The following SMG1 variants were observed in gnomAD, a reference collection of about 807,000 sequenced individuals.
SMG1 encodes the protein serine/threonine-protein kinase SMG1.
In SMG1, 22 loss-of-function variants were observed where a neutral mutation model predicts 419.9. The ratio of observed to expected loss-of-function variants is 0.05; its 90% CI spans 0.04 to 0.07. SMG1 has a LOEUF of 0.07. Ranked by LOEUF, SMG1 falls within the 10% of genes least tolerant of loss-of-function variation. The pLI is 1.00. For synonymous variants in SMG1, 1,538 were observed against 1,553.5 expected, an observed-to-expected ratio of 0.99 and a Z score of 0.23; for missense variants, 3,185 against 4,342.0, an observed-to-expected ratio of 0.73 and a Z score of 7.49.
intron 3 of SMG1, among the ~76,000 whole-genome samples, chr16:18,893,928 G>A (rs1229011834): frequency 4.6e-5 from 7 of 151,484 alleles, no homozygotes; most frequent in South Asian, 2.1e-4. Context: ...GTGGTGGCGC[G>A]CTCCTGTAAT....
intron 1 of SMG1, among the ~76,000 whole-genome samples, chr16:18,907,468 G>A (rs118161646): frequency 0.016 from 2,453 of 152,090 alleles, 37 homozygotes; most frequent in Non-Finnish European, 0.026. Context: ...AGATCCTCTG[G>A]TTTTAGCCTC....
intron 60 of SMG1, among the ~76,000 whole-genome samples, chr16:18,813,288 A>C (rs1356825163): frequency 6.6e-6 from 1 of 152,204 alleles, no homozygotes; most frequent in Non-Finnish European, 1.5e-5. Context: ...TCCCACCAAC[A>C]GTGTAAAAGT....
chr16:18,901,749 T>C (rs564847779), intron 1 of SMG1, among the ~76,000 whole-genome samples: 18 of 151,830 alleles, frequency 1.2e-4, no homozygotes, highest in South Asian at 6.3e-4. Context: ...CCAAGGCAGG[T>C]GGATCGCTTG....
intron 1 of SMG1, among the ~76,000 whole-genome samples, chr16:18,908,218 A>G (rs1230037979): frequency 6.6e-6 from 1 of 151,834 alleles, no homozygotes; most frequent in African/African-American, 2.4e-5. Context: ...ATACAAAAAA[A>G]TTAGGCAGGC....
At chr16:18,919,775 A>G (rs1207779764) in intron 1 of SMG1, among the ~76,000 whole-genome samples, 1 of 151,390 alleles carries the variant, frequency 6.6e-6, no homozygotes, top group Non-Finnish European at 1.5e-5. Context: ...CAAACCTTCC[A>G]TTATACTAAT....
At chr16:18,906,130 A>C (rs71382580) in intron 1 of SMG1, among the ~76,000 whole-genome samples, 14,409 of 151,872 alleles carry the variant, frequency 0.095, 742 homozygotes, top group Middle Eastern at 0.17. Flanking sequence ...CATTCTCTTC[A>C]AATTCCAAAA....
At chr16:18,903,103 G>C (rs2037411947) in intron 1 of SMG1, among the ~76,000 whole-genome samples, 1 of 152,174 alleles carries the variant, frequency 6.6e-6, no homozygotes, top group African/African-American at 2.4e-5. Flanking sequence ...GGGATTACAG[G>C]CATAAGCCAC....
At chr16:18,811,420 C>T (rs1417903731) in intron 62 of SMG1, among the ~76,000 whole-genome samples, 1 of 152,166 alleles carries the variant, frequency 6.6e-6, no homozygotes, top group African/African-American at 2.4e-5. Context: ...GGATGCTCCA[C>T]TCATACTACA....
chr16:18,918,384 T>C (rs888904101), intron 1 of SMG1, among the ~76,000 whole-genome samples: 1 of 152,236 alleles, frequency 6.6e-6, no homozygotes, highest in Non-Finnish European at 1.5e-5. Context: ...TCCTCAGAAG[T>C]ACCCAATTTC....
intron 50 of SMG1, 77 bp downstream of exon 50, chr16:18,834,127 C>G: frequency 9.2e-7 from 1 of 1,087,516 alleles, no homozygotes; most frequent in Non-Finnish European, 1.3e-6. Flanking sequence ...AGTCAAATTG[C>G]TTTCCTGGGT....
chr16:18,926,181 AGAAGGAGGAGGCGGC>A lies in SMG1; in HGVS notation c.-155_-141del, dbSNP rs1400714221. On this transcript the variant is annotated 5_prime_UTR_variant, in exon 1 of 63. Coordinates refer to ENST00000446231, the MANE Select transcript of SMG1 (RefSeq NM_015092.5). Reference sequence around the variant, plus strand: ...AAGGAGGAGGAGGAGGAGGAGGAGGAGAAGGAGGAGGCGGCGGAGGGCGGGGGAAGAGGACGGCCG... The same window carrying A: ...AAGGAGGAGGAGGAGGAGGAGGAGGAGGAGGGCGGGGGAAGAGGACGGCCG... The A allele has an allele frequency of 1.8e-5, 13 of 719,726 alleles. No homozygotes were observed. In the African/African-American group the frequency reaches 2.3e-4, roughly 13 times the overall value. The allele number at this position is 719,726 out of a possible 1,614,324, so 44.6% of individuals were successfully genotyped here.
At position 18,807,747 on chromosome 16, in the gene SMG1, A is replaced by C. The variant is rs148748468; in HGVS notation, c.*1822T>G. The stretch of plus-strand genomic sequence containing the variant: ...AAATGCAGGGAAAATGTACTCAAAC[A>C]ATTTTTTTTTTTATCTAGTCATTTA... On this transcript the variant is annotated 3_prime_UTR_variant, in exon 63 of 63. Coordinates refer to ENST00000446231, the MANE Select transcript of SMG1 (RefSeq NM_015092.5). 84 of 151,848 alleles carry C rather than the reference A, an allele frequency of 5.5e-4. No homozygotes were observed. The highest frequency in any genetic ancestry group is 2.0e-3 in the African/African-American group (81 of 41,426). 9.4% of individuals were successfully genotyped at this position (151,848 alleles called of 1,614,324 possible).
intron 1 of SMG1, among the ~76,000 whole-genome samples, chr16:18,897,508 A>T (rs2037179909): frequency 6.6e-6 from 1 of 152,222 alleles, no homozygotes; most frequent in Admixed American, 6.5e-5. Flanking sequence ...TTAATTGTAA[A>T]GAGTAGCAAT....
chr16:18,829,652 G>C lies in SMG1; in HGVS notation c.9237C>G (p.Ala3079=). 6.2e-7 allele frequency: 1 copy of C among 1,613,952 alleles called. No individual in the cohort carries two copies. The highest frequency in any genetic ancestry group is 8.5e-7 in the Non-Finnish European group (1 of 1,179,890). The change falls in exon 54 of 63, where the codon GCC becomes GCG. Residue 3079 remains alanine (A), a synonymous_variant. Coordinates refer to ENST00000446231, the MANE Select transcript of SMG1 (RefSeq NM_015092.5). ...CAGCTGTGAATGCCTTGATAGGTTTGGCCATTTGGTCTTCACTGAAACAAG... is the reference window on the plus strand; with the variant it reads ...CAGCTGTGAATGCCTTGATAGGTTTCGCCATTTGGTCTTCACTGAAACAAG... ...RNSCFSEDQM[A]KPIKAFTADF...
chr16:18,841,922 A>T, intron 40 of SMG1, 128 bp from the exon 41 acceptor site: 5 of 817,566 alleles, frequency 6.1e-6, no homozygotes, highest in Non-Finnish European at 1.0e-5. Flanking sequence ...AGAGCATTAA[A>T]GAATTCTATT....
rs1174813858 is a variant in SMG1, at chr16:18,834,999, C to T, written c.8223G>A (p.Gln2741=). The change falls in exon 49 of 63, where the codon CAG becomes CAA. Residue 2741 remains glutamine, a synonymous_variant. Transcript: ENST00000446231. Reference sequence around the variant, plus strand: ...TAATGCAACGTTCAATTTCTTTCAACTGATCTTCACAAACTGGCACAGTGA... The same window carrying T: ...TAATGCAACGTTCAATTTCTTTCAATTGATCTTCACAAACTGGCACAGTGA... ...EAVTVPVCED[Q]LKEIERCIKV... is the part of the protein sequence containing the mutation. 1.9e-6 allele frequency: 3 copies of T among 1,614,040 alleles called. No individual in the cohort carries two copies. In the Admixed American group the frequency reaches 5.0e-5, roughly 27 times the overall value.
intron 13 of SMG1, 136 bp from the exon 14 acceptor site, chr16:18,872,760 A>C (rs774215339): frequency 6.8e-5 from 51 of 749,160 alleles, no homozygotes; most frequent in Admixed American, 2.3e-4. Context: ...TAGTACACTA[A>C]ACCTGGGACA....
intron 4 of SMG1, among the ~76,000 whole-genome samples, 173 bp downstream of exon 4, chr16:18,892,045 C>T (rs907826599): frequency 1.4e-4 from 21 of 152,094 alleles, no homozygotes; most frequent in East Asian, 3.9e-4. Flanking sequence ...CCAGCCTGGG[C>T]GACAGAGCAA....
chr16:18,872,007 A>G (rs543897784), intron 15 of SMG1, among the ~76,000 whole-genome samples, 177 bp downstream of exon 15: 4 of 152,322 alleles, frequency 2.6e-5, no homozygotes, highest in African/African-American at 9.6e-5. Context: ...AGAATAAGAA[A>G]GCCTAGATTA....
Sources: gnomAD v4.1 joint callset for allele counts (sites outside exome capture counted in the v4.1 genomes callset) on GRCh38, gnomAD v4.1.1 for gene constraint, MANE v1.5 for transcripts, NCBI Gene and HGNC (gene_info 2026-07-23, HGNC 2026-07-21) for gene names.